The following WDR26 variants were observed in gnomAD, a reference collection of about 807,000 sequenced individuals.
WDR26 encodes WD repeat-containing protein 26.
A neutral mutation model predicts 84.1 loss-of-function variants in WDR26; 5 were observed. That is an observed-to-expected ratio of 0.06 (90% CI 0.03 to 0.13). The LOEUF is 0.13. WDR26 is among the 10% of genes least tolerant of loss of function. WDR26 has a pLI of 1.00. For missense variants in WDR26, 642 were observed against 974.9 expected, an observed-to-expected ratio of 0.66 and a Z score of 4.55; for synonymous variants, 415 against 389.6, an observed-to-expected ratio of 1.07 and a Z score of -0.77.
rs1242858499 is a variant in WDR26, at chr1:224,433,826, C to T, written c.580G>A (p.Ala194Thr). The T allele has an allele frequency of 9.1e-6, 14 of 1,536,774 alleles. No individual in the cohort carries two copies. Among genetic ancestry groups the T allele is most frequent in the Admixed American group, 2.0e-5 (1 of 50,970 alleles). ...GAGGCGGCGGTGGTGGCGGAGGCAG[C>T]TGCGACGGTGGCTGAGGATGCGGCG... Residue 194 changes from alanine (A) to threonine (T), a missense_variant, in exon 1 of 14, where the codon GCT (alanine) becomes ACT (threonine). This residue lies in a region of WDR26 where 291 missense variants were observed against 302.1 expected (regional missense o/e 0.96). Coordinates refer to ENST00000414423, the MANE Select transcript of WDR26 (RefSeq NM_001379403.1).
At position 224,385,290 on chromosome 1, in the gene WDR26, A is replaced by T. The variant is rs1672956949; in HGVS notation, c.*4545T>A. 1 of 152,252 alleles carries T rather than the reference A, an allele frequency of 6.6e-6. No individual in the cohort carries two copies. The highest frequency in any genetic ancestry group is 2.4e-5 in the African/African-American group (1 of 41,464). 9.4% of individuals were successfully genotyped at this position (152,252 alleles called of 1,614,324 possible). ...GTTAATGTAGTTTCAGTTGAACAAAAATTTAAAGACGTTTAATACATTACA... is the reference window on the plus strand; with the variant it reads ...GTTAATGTAGTTTCAGTTGAACAAATATTTAAAGACGTTTAATACATTACA... On this transcript the variant is annotated 3_prime_UTR_variant, in exon 14 of 14. Coordinates refer to ENST00000414423, the MANE Select transcript of WDR26 (RefSeq NM_001379403.1).
intron 4 of WDR26, among the ~76,000 whole-genome samples, chr1:224,421,069 TTC>T (rs1674047940): frequency 6.6e-6 from 1 of 152,212 alleles, no homozygotes; most frequent in Non-Finnish European, 1.5e-5. Context: ...TTAAATGAAT[TTC>T]TGTTTACAGA....
chr1:224,433,620 C>CCCCA, intron 1 of WDR26, 64 bp downstream of exon 1: 2 of 1,177,768 alleles, frequency 1.7e-6, no homozygotes, highest in Non-Finnish European at 1.1e-6. Flanking sequence ...GCCCCTTCCC[C>CCCCA]TACCCCCCTG....
chr1:224,417,648 T>A (rs952552328), intron 6 of WDR26, among the ~76,000 whole-genome samples: 1 of 152,192 alleles, frequency 6.6e-6, no homozygotes, highest in African/African-American at 2.4e-5. Flanking sequence ...TATAGTAGCC[T>A]ATGATCATGC....
At chr1:224,424,456 A>T in intron 4 of WDR26, 62 bp downstream of exon 4, 1 of 1,573,868 alleles carries the variant, frequency 6.4e-7, no homozygotes, top group Middle Eastern at 1.8e-4. Flanking sequence ...TTTTGGAAAA[A>T]TGTTAAAGAA....
chr1:224,407,151 A>AAAAAAAAAAAAAAAAATAT, intron 7 of WDR26, among the ~76,000 whole-genome samples: 1 of 11,868 alleles, frequency 8.4e-5, no homozygotes, highest in Non-Finnish European at 1.4e-4. Flanking sequence ...AAAAAAAAAA[A>AAAAAAAAAAAAAAAAATAT]ATATATATAT....
chr1:224,403,824 C>T (rs1433998809), intron 8 of WDR26, among the ~76,000 whole-genome samples: 1 of 152,036 alleles, frequency 6.6e-6, no homozygotes, highest in Non-Finnish European at 1.5e-5. Flanking sequence ...GTAATCCCAG[C>T]TACTCTGGAG....
chr1:224,408,358 G>A lies in WDR26; in HGVS notation c.1458+3069C>T, dbSNP rs530783899. 2.6e-5 allele frequency among the ~76,000 whole-genome samples: 4 copies of A among 152,162 alleles called. No individual in the cohort carries two copies. The East Asian group carries it at 5.8e-4, about 22-fold the overall frequency. On this transcript the variant is annotated intron_variant, in intron 7 of 13. Coordinates refer to ENST00000414423, the MANE Select transcript of WDR26 (RefSeq NM_001379403.1). ...TCCTGTAGCACCCACTATAAATTACGGTGTATTATCATGTGCTTAGTCTGT... is the reference window on the plus strand; with the variant it reads ...TCCTGTAGCACCCACTATAAATTACAGTGTATTATCATGTGCTTAGTCTGT...
At chr1:224,419,494 A>C (rs1259578698) in intron 5 of WDR26, 24 bp downstream of exon 5, 1 of 1,555,746 alleles carries the variant, frequency 6.4e-7, no homozygotes. Flanking sequence ...AAAACACAGC[A>C]ACATAAAAAA....
rs2102932517 is a variant in WDR26, at chr1:224,434,713, A to G, written c.-308T>C. 3 of 959,108 alleles carry G rather than the reference A, an allele frequency of 3.1e-6. No homozygotes were observed. Among genetic ancestry groups the G allele is most frequent in the African/African-American group, 1.8e-5 (1 of 56,418 alleles). The allele number at this position is 959,108 out of a possible 1,614,324, so 59.4% of individuals were successfully genotyped here. A position where few individuals can be genotyped will look rare whatever the true frequency, so the allele number is the denominator to read the frequency against. On this transcript the variant is annotated 5_prime_UTR_variant, in exon 1 of 14. Coordinates refer to ENST00000414423, the MANE Select transcript of WDR26 (RefSeq NM_001379403.1). ...TGCGGCGGCGGCGGCGGCGGGCGGCAGCGGAGGCAGCTGCCGCCTCTGTCC... is the reference window on the plus strand; with the variant it reads ...TGCGGCGGCGGCGGCGGCGGGCGGCGGCGGAGGCAGCTGCCGCCTCTGTCC...
At chr1:224,400,289 T>TG (rs1673376017) in intron 9 of WDR26, among the ~76,000 whole-genome samples, 1 of 11,224 alleles carries the variant, frequency 8.9e-5, no homozygotes. Context: ...TAAAATTCAG[T>TG]GTTTTTTTTT....
chr1:224,428,955 G>A (rs1423089896), intron 3 of WDR26, among the ~76,000 whole-genome samples: 1 of 149,966 alleles, frequency 6.7e-6, no homozygotes, highest in Non-Finnish European at 1.5e-5. Flanking sequence ...GCCATTCCTA[G>A]TACCATTTAA....
At chr1:224,401,800 A>G (rs1311031782) in intron 8 of WDR26, among the ~76,000 whole-genome samples, 2 of 151,896 alleles carry the variant, frequency 1.3e-5, no homozygotes, top group Non-Finnish European at 2.9e-5. Context: ...CTCACAATAT[A>G]GTAGGGAAGG....
At chr1:224,403,542 T>C (rs1034872621) in intron 8 of WDR26, among the ~76,000 whole-genome samples, 1 of 152,212 alleles carries the variant, frequency 6.6e-6, no homozygotes, top group Non-Finnish European at 1.5e-5. Flanking sequence ...CTTACTATTA[T>C]AACTACAGGG....
intron 12 of WDR26, among the ~76,000 whole-genome samples, chr1:224,394,262 A>G (rs765523769): frequency 6.6e-5 from 10 of 152,244 alleles, no homozygotes; most frequent in Non-Finnish European, 1.3e-4. Flanking sequence ...CTGTCAATAC[A>G]TGAGTAATGA....
intron 8 of WDR26, chr1:224,401,988 G>C (rs893514285): frequency 2.6e-5 from 4 of 152,144 alleles, no homozygotes; most frequent in African/African-American, 7.2e-5. Flanking sequence ...ACTCAACTTA[G>C]AAGGTATACA....
chr1:224,395,231 G>T (rs2102888010), intron 12 of WDR26, among the ~76,000 whole-genome samples: 1 of 152,296 alleles, frequency 6.6e-6, no homozygotes, highest in African/African-American at 2.4e-5. Context: ...ATATTTGTAT[G>T]TGGAAAGGTG....
chr1:224,388,323 C>T lies in WDR26; in HGVS notation c.*1512G>A, dbSNP rs991617867. The T allele has an allele frequency of 2.0e-5, 3 of 152,296 alleles. No homozygotes were observed. Among genetic ancestry groups the T allele is most frequent in the Admixed American group, 6.5e-5 (1 of 15,298 alleles). The allele number at this position is 152,296 out of a possible 1,614,324, so 9.4% of individuals were successfully genotyped here. ...CACCAGAATCTTATTTTGGGGGTATCCCCATTCTCATTCCAACAGCTGGAG... is the reference window on the plus strand; with the variant it reads ...CACCAGAATCTTATTTTGGGGGTATTCCCATTCTCATTCCAACAGCTGGAG... On this transcript the variant is annotated 3_prime_UTR_variant, in exon 14 of 14. Coordinates refer to ENST00000414423, the MANE Select transcript of WDR26 (RefSeq NM_001379403.1).
rs1253285571 is a variant in WDR26, at chr1:224,411,456, T to A, written c.1429A>T (p.Thr477Ser). 1 of 1,613,074 alleles carries A rather than the reference T, an allele frequency of 6.2e-7. No individual in the cohort carries two copies. Among genetic ancestry groups the A allele is most frequent in the Non-Finnish European group, 8.5e-7 (1 of 1,179,602 alleles). ...TCAACTTGCCATATGATAACTGTTG[T>A]ATCTTTTGATCCTGTTGCTAGTTTA... Residue 477 changes from threonine (T) to serine (S), a missense_variant, in exon 7 of 14, where the codon ACA becomes TCA. By Grantham distance (58) the Thr-to-Ser change is moderately conservative. Around this residue, in one of 2 missense-constraint regions of WDR26, gnomAD observed 351 missense variants for 672.8 expected, o/e 0.52. Transcript: ENST00000414423.
Sources: allele counts gnomAD v4.1 joint callset (sites outside exome capture counted in the v4.1 genomes callset), GRCh38; gene constraint gnomAD v4.1.1; regional missense constraint gnomAD v4.1.1; transcripts MANE v1.5; gene names NCBI Gene and HGNC (gene_info 2026-07-23, HGNC 2026-07-21).